The following LY86 variants were observed in gnomAD, a reference collection of about 807,000 sequenced individuals.
The protein encoded by LY86 is lymphocyte antigen 86.
In LY86, 20 loss-of-function variants were observed where a neutral mutation model predicts 17.3. The ratio of observed to expected loss-of-function variants is 1.15; its 90% CI spans 0.81 to 1.68. LY86 has a LOEUF of 1.68. Ranked by LOEUF, LY86 falls within the 40% of genes most tolerant of loss-of-function variation. The probability of loss-of-function intolerance (pLI) is 0.00; values close to 1 mark genes in which losing one functional copy is unlikely to be tolerated. For missense variants in LY86, 200 were observed against 191.9 expected (o/e 1.04, Z -0.25); for synonymous variants, 74 against 70.6 (o/e 1.05, Z -0.24).
intron 1 of LY86, among the ~76,000 whole-genome samples, chr6:6,603,599 G>A (rs7768794): frequency 0.78 from 81,479 of 104,498 alleles, 30,230 homozygotes; most frequent in African/African-American, 0.85. Flanking sequence ...AACAAAAACA[G>A]AAACAGAAAA....
intron 1 of LY86, among the ~76,000 whole-genome samples, chr6:6,601,654 A>G (rs1760914478): frequency 6.6e-6 from 1 of 152,054 alleles, no homozygotes; most frequent in African/African-American, 2.4e-5. Flanking sequence ...CAGGAGGCAG[A>G]GCTTGCAGTG....
chr6:6,619,985 G>A (rs1002273995), intron 1 of LY86, among the ~76,000 whole-genome samples: 3 of 152,138 alleles, frequency 2.0e-5, no homozygotes, highest in African/African-American at 7.2e-5. Flanking sequence ...ATGAGTATGT[G>A]GAAGGCTGGT....
intron 1 of LY86, among the ~76,000 whole-genome samples, chr6:6,590,807 G>A (rs548760324): frequency 1.4e-4 from 22 of 152,284 alleles, no homozygotes; most frequent in Non-Finnish European, 2.9e-4. Context: ...GCTTGAGCAA[G>A]TACCTGATCC....
At chr6:6,605,900 G>C (rs113671855) in intron 1 of LY86, among the ~76,000 whole-genome samples, 2,078 of 152,232 alleles carry the variant, frequency 0.014, 48 homozygotes, top group African/African-American at 0.047. Context: ...TCTTAGTCTC[G>C]CTGGCTTCAG....
intron 3 of LY86, among the ~76,000 whole-genome samples, chr6:6,636,094 G>A (rs947726446): frequency 5.3e-5 from 8 of 152,176 alleles, no homozygotes; most frequent in African/African-American, 1.2e-4. Context: ...CGTACATCAG[G>A]TGGGGAGTCT....
intron 3 of LY86, among the ~76,000 whole-genome samples, chr6:6,631,203 G>A (rs1391351891): frequency 6.6e-6 from 1 of 152,112 alleles, no homozygotes; most frequent in African/African-American, 2.4e-5. Flanking sequence ...GCCAAGCCAG[G>A]TGGTGACCAG....
intron 1 of LY86, among the ~76,000 whole-genome samples, chr6:6,612,284 C>T (rs181284311): frequency 2.6e-5 from 4 of 152,322 alleles, no homozygotes; most frequent in East Asian, 1.9e-4. Flanking sequence ...GAGTTTCTTT[C>T]TCGTGGGTTA....
At chr6:6,612,115 C>G (rs749351667) in intron 1 of LY86, among the ~76,000 whole-genome samples, 1 of 152,114 alleles carries the variant, frequency 6.6e-6, no homozygotes, top group Non-Finnish European at 1.5e-5. Context: ...TGATTATTTC[C>G]AAAAATCAGC....
At chr6:6,633,830 C>A (rs1761928123) in intron 3 of LY86, among the ~76,000 whole-genome samples, 1 of 152,136 alleles carries the variant, frequency 6.6e-6, no homozygotes, top group Admixed American at 6.5e-5. Context: ...TTGCAGATAT[C>A]AATTGTACAC....
intron 1 of LY86, among the ~76,000 whole-genome samples, chr6:6,611,140 A>G (rs1761321085): frequency 6.6e-6 from 1 of 152,250 alleles, no homozygotes; most frequent in Non-Finnish European, 1.5e-5. Flanking sequence ...GTTTGCATTT[A>G]TATGATTCAA....
intron 1 of LY86, among the ~76,000 whole-genome samples, chr6:6,605,689 CTT>C (rs759356008): frequency 4.6e-5 from 7 of 152,360 alleles, no homozygotes; most frequent in Non-Finnish European, 1.0e-4. Context: ...ATCTCACGGA[CTT>C]AAAGAATGAA....
intron 1 of LY86, among the ~76,000 whole-genome samples, chr6:6,607,157 A>G (rs1158869535): frequency 2.6e-5 from 4 of 152,262 alleles, no homozygotes; most frequent in Admixed American, 2.6e-4. Flanking sequence ...AAGCATTCTC[A>G]TGTCCTTGAC....
chr6:6,618,498 A>C (rs1189071370), intron 1 of LY86, among the ~76,000 whole-genome samples: 1 of 147,932 alleles, frequency 6.8e-6, no homozygotes, highest in East Asian at 1.9e-4. Context: ...CAGCCCAAAC[A>C]TACCTTCTCA....
chr6:6,622,915 G>A (rs1488914344), intron 1 of LY86: 1 of 152,192 alleles, frequency 6.6e-6, no homozygotes, highest in East Asian at 1.9e-4. Flanking sequence ...ATACCCGGGA[G>A]CAATTTGTTT....
At chr6:6,640,745 A>G (rs1197182205) in intron 3 of LY86, among the ~76,000 whole-genome samples, 1 of 152,090 alleles carries the variant, frequency 6.6e-6, no homozygotes, top group Non-Finnish European at 1.5e-5. Context: ...AAAAAGAAAA[A>G]GAAAAGGAGG....
At chr6:6,626,543 T>A (rs771956621) in intron 3 of LY86, 122 bp downstream of exon 3, 229 of 996,534 alleles carry the variant, frequency 2.3e-4, no homozygotes, top group Non-Finnish European at 3.1e-4. Flanking sequence ...TGGACGAGCT[T>A]ATCCTCACTT....
chr6:6,649,761 A>G, intron 4 of LY86, 84 bp downstream of exon 4: 1 of 840,786 alleles, frequency 1.2e-6, no homozygotes, highest in South Asian at 1.5e-5. Context: ...AGGAGGAGAA[A>G]CCAAGAAAGA....
chr6:6,608,384 T>C (rs1761249823), intron 1 of LY86, among the ~76,000 whole-genome samples: 1 of 152,278 alleles, frequency 6.6e-6, no homozygotes, highest in African/African-American at 2.4e-5. Flanking sequence ...TTCATTTTCA[T>C]GGAGGTAGAG....
intron 1 of LY86, among the ~76,000 whole-genome samples, chr6:6,597,009 AGCTCC>A (rs1277032750): frequency 6.6e-6 from 1 of 152,106 alleles, no homozygotes; most frequent in Non-Finnish European, 1.5e-5. Flanking sequence ...CTTAATGGGC[AGCTCC>A]GCTCATGTTT....
Sources: allele counts gnomAD v4.1 joint callset (sites outside exome capture counted in the v4.1 genomes callset), GRCh38; gene constraint gnomAD v4.1.1; transcripts MANE v1.5; gene names NCBI Gene and HGNC (gene_info 2026-07-23, HGNC 2026-07-21).